SNAP29: variants seen among roughly 807,000 people sequenced by gnomAD.
The protein encoded by SNAP29 is synaptosome associated protein 29.
A neutral mutation model predicts 27.9 loss-of-function variants in SNAP29; 13 were observed. The observed-to-expected ratio is 0.47, with a 90% CI of 0.30 to 0.74. The LOEUF (loss-of-function observed/expected upper bound fraction) is 0.74. Among genes scored for constraint, SNAP29 ranks in the 30% least tolerant of loss-of-function variants. The pLI is 0.06. For missense variants in SNAP29, 368 were observed against 336.5 expected, an observed-to-expected ratio of 1.09 and a Z score of -0.73; for synonymous variants, 119 against 127.1, an observed-to-expected ratio of 0.94 and a Z score of 0.43.
intron 2 of SNAP29, among the ~76,000 whole-genome samples, chr22:20,877,983 G>C (rs985688836): frequency 2.0e-5 from 3 of 152,176 alleles, no homozygotes; most frequent in African/African-American, 7.2e-5. Flanking sequence ...CACAGCTTCC[G>C]TGGGGTGAAA....
rs571746544 is a variant in SNAP29 at position 20,863,898 on chromosome 22, T to G, written c.237+4551T>G. The stretch of plus-strand genomic sequence containing the variant: ...TATTGTATACATTCTGGTCTGCATG[T>G]GCTTAATAGAATGGAGTTTGTTCCA... On this transcript the variant is annotated intron_variant, in intron 1 of 4. Coordinates refer to ENST00000215730, the MANE Select transcript of SNAP29 (RefSeq NM_004782.4). 5.3e-4 allele frequency among the ~76,000 whole-genome samples: 80 copies of G among 152,260 alleles called. 1 individual carries two copies. The South Asian group carries it at 0.016, about 31-fold the overall frequency.
intron 1 of SNAP29, among the ~76,000 whole-genome samples, chr22:20,862,836 A>G (rs1229215397): frequency 1.3e-5 from 2 of 152,144 alleles, no homozygotes; most frequent in East Asian, 3.9e-4. Flanking sequence ...GGGATGACCT[A>G]CATCTCCACC....
chr22:20,872,556 A>G (rs1928619786), intron 2 of SNAP29, among the ~76,000 whole-genome samples: 2 of 152,018 alleles, frequency 1.3e-5, no homozygotes, highest in South Asian at 4.1e-4. Flanking sequence ...GCCTGCCACC[A>G]TGCCTGGCTA....
At chr22:20,872,492 C>T (rs977101170) in intron 2 of SNAP29, among the ~76,000 whole-genome samples, 2 of 152,090 alleles carry the variant, frequency 1.3e-5, no homozygotes, top group Non-Finnish European at 2.9e-5. Context: ...GCTCCGCCTC[C>T]CGGGTTCATG....
intron 4 of SNAP29, among the ~76,000 whole-genome samples, chr22:20,885,849 C>T (rs901626082): frequency 3.9e-5 from 6 of 152,198 alleles, no homozygotes; most frequent in Admixed American, 2.0e-4. Context: ...GGGAGTGTTG[C>T]CTTTGTTCAC....
intron 1 of SNAP29, among the ~76,000 whole-genome samples, chr22:20,861,658 C>A (rs542200921): frequency 6.6e-6 from 1 of 151,874 alleles, no homozygotes; most frequent in Non-Finnish European, 1.5e-5. Context: ...GTTTTTGAGA[C>A]GGAGTCTTGC....
Position 20,888,355 on chromosome 22 carries a change from ACT to A in SNAP29, c.*524_*525del, listed in dbSNP as rs1189704840. 0.036 allele frequency: 1,984 copies of A among 54,602 alleles called. 68 individuals are homozygous for A. The highest frequency in any genetic ancestry group is 0.16 in the African/African-American group (1,385 of 8,722). The allele number at this position is 54,602 out of a possible 1,614,324, so 3.4% of individuals were successfully genotyped here. A position where few individuals can be genotyped will look rare whatever the true frequency, so the allele number is the denominator to read the frequency against. ...CACACACACACACACACACACACAC[ACT>A]CTCTGAGCACATTATCTGTGATTCT... On this transcript the variant is annotated 3_prime_UTR_variant, in exon 5 of 5. Coordinates refer to ENST00000215730, the MANE Select transcript of SNAP29 (RefSeq NM_004782.4).
intron 4 of SNAP29, among the ~76,000 whole-genome samples, chr22:20,884,872 T>C (rs1351759687): frequency 6.6e-6 from 1 of 152,114 alleles, no homozygotes; most frequent in Non-Finnish European, 1.5e-5. Flanking sequence ...GCCTCCTGGG[T>C]TCAAGCGATT....
At chr22:20,867,978 A>G (rs1170974073) in intron 1 of SNAP29, among the ~76,000 whole-genome samples, 1 of 151,954 alleles carries the variant, frequency 6.6e-6, no homozygotes, top group Non-Finnish European at 1.5e-5. Context: ...CCAGTCCCCA[A>G]CCTGGCTGCT....
rs766659304 is a variant in SNAP29 at position 20,870,511 on chromosome 22, C to A, written c.412C>A (p.Leu138Ile). The change falls in exon 2 of 5, where the codon CTC becomes ATC. Residue 138 changes from leucine to isoleucine, a missense_variant. By Grantham distance (5) the Leu-to-Ile change is conservative. Coordinates refer to ENST00000215730, the MANE Select transcript of SNAP29 (RefSeq NM_004782.4). ...GACCCCACCTGAACAGAATGGCACC[C>A]TCACCTCCCAGCCCAACAACAGGTG... ...VETPPEQNGT[L>I]TSQPNNRLKE... 7 of 1,614,076 alleles carry A rather than the reference C, an allele frequency of 4.3e-6. No individual in the cohort carries two copies. The highest frequency in any genetic ancestry group is 1.1e-5 in the South Asian group (1 of 91,058).
chr22:20,874,955 T>TG (rs1285546170), intron 2 of SNAP29, among the ~76,000 whole-genome samples: 1 of 152,158 alleles, frequency 6.6e-6, no homozygotes, highest in African/African-American at 2.4e-5. Context: ...AGTGGGAAGC[T>TG]GGCAAGTTTG....
chr22:20,872,803 C>T (rs997039205), intron 2 of SNAP29, among the ~76,000 whole-genome samples: 25 of 140,884 alleles, frequency 1.8e-4, no homozygotes, highest in African/African-American at 4.2e-4. Context: ...CCTAGAGTGC[C>T]GAGCCACCAC....
chr22:20,874,755 G>A (rs1371251474), intron 2 of SNAP29, among the ~76,000 whole-genome samples: 2 of 151,724 alleles, frequency 1.3e-5, no homozygotes, highest in Admixed American at 6.6e-5. Context: ...TTAAACATCC[G>A]CCATTTCCCT....
chr22:20,879,851 TAAAA>T (rs361542), intron 2 of SNAP29, among the ~76,000 whole-genome samples: 45,055 of 97,574 alleles, frequency 0.46, 8,306 homozygotes, highest in African/African-American at 0.54. Flanking sequence ...TGAAAAAATT[TAAAA>T]AAAAAAAAAA....
intron 4 of SNAP29, among the ~76,000 whole-genome samples, chr22:20,886,521 A>G (rs544809391): frequency 6.9e-6 from 1 of 144,798 alleles, no homozygotes; most frequent in Non-Finnish European, 1.5e-5. Context: ...GTTAGCCAGG[A>G]TGGTCTCGAT....
chr22:20,880,354 T>C (rs1928861172), intron 2 of SNAP29, among the ~76,000 whole-genome samples: 1 of 151,810 alleles, frequency 6.6e-6, no homozygotes. Flanking sequence ...AGAAATTAGC[T>C]GGGGATGGTG....
At chr22:20,885,738 A>G (rs1258373294) in intron 4 of SNAP29, among the ~76,000 whole-genome samples, 1 of 152,216 alleles carries the variant, frequency 6.6e-6, no homozygotes, top group Non-Finnish European at 1.5e-5. Flanking sequence ...GACGCAGTCT[A>G]GAGTAGGAGG....
In SNAP29 at chr22:20,859,269, T is replaced by G. The variant is rs762866088; in HGVS notation, c.159T>G (p.Ala53=). ...QYLRQEVLRR[A]EATAASTSRS... ...TGCGGCAGGAGGTCCTCCGCAGGGCTGAGGCCACGGCCGCCAGCACCAGCA... is the reference window on the plus strand; with the variant it reads ...TGCGGCAGGAGGTCCTCCGCAGGGCGGAGGCCACGGCCGCCAGCACCAGCA... The change falls in exon 1 of 5, where the codon GCT becomes GCG. Residue 53 remains alanine (A), a synonymous_variant. Coordinates refer to ENST00000215730, the MANE Select transcript of SNAP29 (RefSeq NM_004782.4). 1.2e-6 allele frequency: 2 copies of G among 1,608,644 alleles called. No homozygotes were observed. The highest frequency in any genetic ancestry group is 1.3e-5 in the African/African-American group (1 of 75,024).
Position 20,879,112 on chromosome 22 carries a change from T to C in SNAP29, c.435-1937T>C, listed in dbSNP as rs545088946. On this transcript the variant is annotated intron_variant, in intron 2 of 4. Coordinates refer to ENST00000215730, the MANE Select transcript of SNAP29 (RefSeq NM_004782.4). ...CACGAGGTCAGGAGATCGAGACCAT[T>C]CCGGCTAACACGGTGAAACCCCGTC... is the stretch of plus-strand genomic sequence containing the variant. Among the ~76,000 whole-genome samples the C allele has an allele frequency of 1.4e-3, 215 of 151,750 alleles. 1 individual carries two copies. Among genetic ancestry groups the C allele is most frequent in the African/African-American group, 1.5e-3 (63 of 41,390 alleles).
Sources: allele counts gnomAD v4.1 joint callset (sites outside exome capture counted in the v4.1 genomes callset), GRCh38; gene constraint gnomAD v4.1.1; transcripts MANE v1.5; gene names NCBI Gene and HGNC (gene_info 2026-07-23, HGNC 2026-07-21).